The following DOCK3 variants were observed in gnomAD, a reference collection of about 807,000 sequenced individuals.
The protein encoded by DOCK3 is dedicator of cytokinesis 3.
DOCK3 carries 60 observed loss-of-function variants against 265.6 expected under a neutral mutation model. That is an observed-to-expected ratio of 0.23 (90% CI 0.18 to 0.28). DOCK3 has a LOEUF of 0.28. Among genes scored for constraint, DOCK3 ranks in the 10% least tolerant of loss-of-function variants. The probability of loss-of-function intolerance (pLI) is 1.00; values close to 1 mark genes in which losing one functional copy is unlikely to be tolerated. For missense variants in DOCK3, 1,981 were observed against 2,594.3 expected (o/e 0.76, Z 5.14); for synonymous variants, 881 against 938.0 (o/e 0.94, Z 1.11).
intron 11 of DOCK3, among the ~76,000 whole-genome samples, chr3:51,160,063 A>C (rs918737329): frequency 6.6e-6 from 1 of 152,180 alleles, no homozygotes; most frequent in Admixed American, 6.5e-5. Flanking sequence ...AAAAGTAAAC[A>C]CTCATCCACT....
chr3:51,124,431 G>A (rs1344867513), intron 9 of DOCK3, among the ~76,000 whole-genome samples: 1 of 152,126 alleles, frequency 6.6e-6, no homozygotes, highest in Non-Finnish European at 1.5e-5. Flanking sequence ...AATATAAATA[G>A]CAATTTGTGG....
chr3:50,824,715 T>C (rs532939266), intron 2 of DOCK3, among the ~76,000 whole-genome samples: 67 of 152,306 alleles, frequency 4.4e-4, no homozygotes, highest in African/African-American at 1.6e-3. Flanking sequence ...GAGCATGACT[T>C]TCTGATGCCT....
chr3:50,879,913 G>C (rs1170884369), intron 3 of DOCK3, among the ~76,000 whole-genome samples: 1 of 152,126 alleles, frequency 6.6e-6, no homozygotes, highest in Non-Finnish European at 1.5e-5. Context: ...TAAAAGAATA[G>C]AAATTATAAC....
intron 32 of DOCK3, among the ~76,000 whole-genome samples, chr3:51,324,727 C>T (rs1371263501): frequency 6.6e-6 from 1 of 152,064 alleles, no homozygotes; most frequent in African/African-American, 2.4e-5. Flanking sequence ...ATATATAGAC[C>T]AATGGAACCA....
intron 27 of DOCK3, among the ~76,000 whole-genome samples, chr3:51,281,078 A>G (rs564902458): frequency 6.6e-6 from 1 of 151,790 alleles, no homozygotes; most frequent in Non-Finnish European, 1.5e-5. Flanking sequence ...TTTTGTTTGC[A>G]TTGATTATAT....
intron 5 of DOCK3, among the ~76,000 whole-genome samples, chr3:51,025,528 G>A (rs1247898200): frequency 2.6e-5 from 4 of 151,984 alleles, no homozygotes; most frequent in Admixed American, 1.3e-4. Context: ...CTTTCAGGCC[G>A]CACCCCTCCC....
intron 1 of DOCK3, among the ~76,000 whole-genome samples, chr3:50,678,833 G>T (rs1225088757): frequency 6.6e-6 from 1 of 151,630 alleles, no homozygotes; most frequent in Non-Finnish European, 1.5e-5. Flanking sequence ...TTTTTGAGAC[G>T]GAGTCTTGCT....
intron 9 of DOCK3, among the ~76,000 whole-genome samples, chr3:51,108,464 A>G (rs374835659): frequency 2.0e-5 from 3 of 152,224 alleles, no homozygotes; most frequent in South Asian, 2.1e-4. Context: ...CAGTGACACT[A>G]TAAAGCAGCC....
At chr3:51,266,984 A>C (rs1462029499) in intron 23 of DOCK3, among the ~76,000 whole-genome samples, 1 of 152,208 alleles carries the variant, frequency 6.6e-6, no homozygotes, top group East Asian at 1.9e-4. Flanking sequence ...TTTACAAGAA[A>C]AAACCATCAA....
In DOCK3 at chr3:51,381,632, C is replaced by A. The variant is rs782408298; in HGVS notation, c.*73C>A. Reference sequence around the variant, plus strand: ...ATCACTCCAGGTCTGAAAAGCAAGTCCCCCAGCCCCACCCCAGGGAGCCAG... The same window carrying A: ...ATCACTCCAGGTCTGAAAAGCAAGTACCCCAGCCCCACCCCAGGGAGCCAG... On this transcript the variant is annotated 3_prime_UTR_variant, in exon 53 of 53. Coordinates refer to ENST00000266037, the MANE Select transcript of DOCK3 (RefSeq NM_004947.5). This position sits in a 1 kb window ranked among gnomAD's most constrained non-coding sequence, Gnocchi z 5.6. 1.4e-6 allele frequency: 2 copies of A among 1,433,892 alleles called. No individual in the cohort carries two copies. The highest frequency in any genetic ancestry group is 1.8e-6 in the Non-Finnish European group (2 of 1,098,050). 88.8% of individuals were successfully genotyped at this position (1,433,892 alleles called of 1,614,324 possible).
At chr3:51,025,742 A>G (rs9837334) in intron 5 of DOCK3, among the ~76,000 whole-genome samples, 115,605 of 152,124 alleles carry the variant, frequency 0.76, 44,931 homozygotes, top group Middle Eastern at 0.88. Context: ...GTCAGGAATC[A>G]CTTCCCTTGG....
chr3:50,775,425 A>C (rs187261976), intron 1 of DOCK3, among the ~76,000 whole-genome samples: 2 of 152,008 alleles, frequency 1.3e-5, no homozygotes, highest in East Asian at 1.9e-4. Context: ...ATATCCTTTT[A>C]TGATGATTTT....
At chr3:50,970,945 A>G (rs1309257498) in intron 5 of DOCK3, among the ~76,000 whole-genome samples, 13 of 69,220 alleles carry the variant, frequency 1.9e-4, no homozygotes, top group African/African-American at 7.4e-4. Flanking sequence ...ATATATATAT[A>G]TAATGTGTGT....
chr3:50,756,103 G>T (rs573072458), intron 1 of DOCK3, among the ~76,000 whole-genome samples: 11 of 152,158 alleles, frequency 7.2e-5, no homozygotes, highest in Non-Finnish European at 1.5e-4. Context: ...CCCCTCCCTT[G>T]ATTTTTTACC....
chr3:51,185,196 G>A (rs1447255936), intron 12 of DOCK3, among the ~76,000 whole-genome samples: 1 of 152,032 alleles, frequency 6.6e-6, no homozygotes, highest in Admixed American at 6.6e-5. Flanking sequence ...AATAAAGTAT[G>A]GACTTAACTA....
chr3:50,875,013 G>C (rs1241841926), intron 3 of DOCK3, among the ~76,000 whole-genome samples: 4 of 152,070 alleles, frequency 2.6e-5, no homozygotes, highest in African/African-American at 9.7e-5. Flanking sequence ...TGAACAATGA[G>C]AACACATGGA....
intron 1 of DOCK3, among the ~76,000 whole-genome samples, chr3:50,722,293 A>T: frequency 6.6e-6 from 1 of 152,196 alleles, no homozygotes; most frequent in Non-Finnish European, 1.5e-5. Context: ...AGAGAGAGAC[A>T]AAGAGAAAGA....
intron 27 of DOCK3, among the ~76,000 whole-genome samples, chr3:51,283,149 G>C (rs1388643773): frequency 6.6e-6 from 1 of 152,120 alleles, no homozygotes; most frequent in Non-Finnish European, 1.5e-5. Flanking sequence ...CCCTCTGAGA[G>C]AAGGAGACCC....
intron 9 of DOCK3, among the ~76,000 whole-genome samples, chr3:51,135,643 C>A (rs2084756987): frequency 6.6e-6 from 1 of 152,164 alleles, no homozygotes; most frequent in South Asian, 2.1e-4. Context: ...TTTGGAAATT[C>A]TTCACACGTA....
Sources: gnomAD v4.1 joint callset for allele counts (sites outside exome capture counted in the v4.1 genomes callset) on GRCh38, gnomAD v4.1.1 for gene constraint, Gnocchi (gnomAD v3.1) non-coding constraint, MANE v1.5 for transcripts, NCBI Gene and HGNC (gene_info 2026-07-23, HGNC 2026-07-21) for gene names.